Variants in GALNT13 observed in about 807,000 individuals in gnomAD.
GALNT13 encodes the protein UDP-GalNAc:polypeptide N-acetylgalactosaminyltransferase 13.
GALNT13 carries 28 observed loss-of-function variants against 64.2 expected under a neutral mutation model. That is an observed-to-expected ratio of 0.44 (90% CI 0.32 to 0.60). The LOEUF is 0.60. Ranked by LOEUF, GALNT13 falls within the 20% of genes least tolerant of loss-of-function variation. GALNT13 has a pLI of 0.05. For synonymous variants in GALNT13, 214 were observed against 224.6 expected (o/e 0.95, Z 0.42); for missense variants, 577 against 669.8 (o/e 0.86, Z 1.53).
the GALNT13 span, among the ~76,000 whole-genome samples, chr2:153,409,727 A>G: frequency 6.6e-6 from 1 of 152,290 alleles, no homozygotes; most frequent in South Asian, 2.1e-4. Flanking sequence ...GCGTAGTATT[A>G]ATGATCAGAA....
intron 4 of GALNT13, among the ~76,000 whole-genome samples, chr2:154,158,740 A>T (rs7589452): frequency 0.16 from 24,330 of 152,116 alleles, 3,610 homozygotes; most frequent in East Asian, 0.74. Flanking sequence ...CCTTACCTTC[A>T]ATCTCTTTAA....
At chr2:153,215,973 C>T in the GALNT13 span, among the ~76,000 whole-genome samples, 8 of 151,946 alleles carry the variant, frequency 5.3e-5, 1 homozygote, top group African/African-American at 1.9e-4. Flanking sequence ...TCAGACTGCC[C>T]CCTTGATGTT....
chr2:153,727,004 A>G, the GALNT13 span, among the ~76,000 whole-genome samples: 1 of 152,082 alleles, frequency 6.6e-6, no homozygotes, highest in Non-Finnish European at 1.5e-5. Flanking sequence ...TTCCTATTCA[A>G]AGAGAGTATC....
At chr2:153,468,328 G>A in the GALNT13 span, among the ~76,000 whole-genome samples, 6 of 152,062 alleles carry the variant, frequency 3.9e-5, no homozygotes, top group East Asian at 1.9e-4. Context: ...TCAATAGTCC[G>A]TGAAGTCTTT....
the GALNT13 span, among the ~76,000 whole-genome samples, chr2:153,757,448 A>C: frequency 6.6e-6 from 1 of 152,334 alleles, no homozygotes; most frequent in African/African-American, 2.4e-5. Context: ...CTTGACAATT[A>C]TAAATAAAGC....
chr2:153,687,693 C>G, the GALNT13 span, among the ~76,000 whole-genome samples: 2 of 151,874 alleles, frequency 1.3e-5, no homozygotes, highest in Non-Finnish European at 2.9e-5. Context: ...TTCAATAACT[C>G]TTTTGTACAA....
At chr2:153,345,700 TTTCTCTTTCTCTCTTTCTG>T in the GALNT13 span, among the ~76,000 whole-genome samples, 1 of 140,460 alleles carries the variant, frequency 7.1e-6, no homozygotes, top group African/African-American at 2.7e-5. Flanking sequence ...TCTTTCTTTC[TTTCTCTTTCTCTCTTTCTG>T]TCCTTCCTTC....
chr2:153,308,446 C>A, the GALNT13 span, among the ~76,000 whole-genome samples: 1 of 152,138 alleles, frequency 6.6e-6, no homozygotes, highest in Non-Finnish European at 1.5e-5. Flanking sequence ...ATCGACAGAA[C>A]CACCTTCTAC....
At chr2:154,398,636 C>T (rs1699161614) in intron 10 of GALNT13, among the ~76,000 whole-genome samples, 1 of 152,242 alleles carries the variant, frequency 6.6e-6, no homozygotes, top group Admixed American at 6.5e-5. Flanking sequence ...AACATTCCAG[C>T]CCCTGAAGTC....
the GALNT13 span, among the ~76,000 whole-genome samples, chr2:153,222,667 C>T: frequency 2.8e-4 from 43 of 152,296 alleles, no homozygotes; most frequent in African/African-American, 9.4e-4. Flanking sequence ...GCCTCCCTCC[C>T]GAGATTGTCA....
At chr2:153,899,461 T>C (rs543396589) in intron 1 of GALNT13, among the ~76,000 whole-genome samples, 6 of 152,308 alleles carry the variant, frequency 3.9e-5, no homozygotes, top group African/African-American at 1.4e-4. Context: ...ACTTAGAAAA[T>C]ACAAAGTTTC....
the GALNT13 span, among the ~76,000 whole-genome samples, chr2:153,179,854 A>G: frequency 6.6e-6 from 1 of 152,094 alleles, no homozygotes; most frequent in Admixed American, 6.5e-5. Context: ...GTGTATAGAA[A>G]TACTACTAAT....
the GALNT13 span, among the ~76,000 whole-genome samples, chr2:153,698,151 TAA>T: frequency 6.6e-6 from 1 of 151,864 alleles, no homozygotes; most frequent in African/African-American, 2.4e-5. Flanking sequence ...CACCAAAATA[TAA>T]AGAGAGATAA....
At chr2:154,003,272 C>T (rs1696033337) in intron 3 of GALNT13, among the ~76,000 whole-genome samples, 1 of 152,160 alleles carries the variant, frequency 6.6e-6, no homozygotes, top group Non-Finnish European at 1.5e-5. Flanking sequence ...GTTTGGCCCC[C>T]CATGAAGATT....
the GALNT13 span, among the ~76,000 whole-genome samples, chr2:153,498,748 C>T: frequency 6.6e-6 from 1 of 152,226 alleles, no homozygotes; most frequent in Non-Finnish European, 1.5e-5. Flanking sequence ...GCTCTTCTCT[C>T]CTTCTCATTG....
At chr2:153,111,144 T>C in the GALNT13 span, among the ~76,000 whole-genome samples, 1 of 152,128 alleles carries the variant, frequency 6.6e-6, no homozygotes, top group Admixed American at 6.6e-5. Flanking sequence ...TTTCTCATTG[T>C]TAAAAGTGTG....
At chr2:153,122,804 G>A in the GALNT13 span, among the ~76,000 whole-genome samples, 1 of 152,122 alleles carries the variant, frequency 6.6e-6, no homozygotes, top group Non-Finnish European at 1.5e-5. Context: ...CCTGTTGTGT[G>A]TTTAATTATA....
chr2:153,837,804 C>G, the GALNT13 span, among the ~76,000 whole-genome samples: 2 of 152,120 alleles, frequency 1.3e-5, no homozygotes, highest in East Asian at 1.9e-4. Flanking sequence ...TTTGCTGGAT[C>G]ATGTGGTAGC....
chr2:154,195,963 A>G (rs1324210275), intron 4 of GALNT13, among the ~76,000 whole-genome samples: 2 of 152,206 alleles, frequency 1.3e-5, no homozygotes, highest in Non-Finnish European at 2.9e-5. Context: ...CACCCAAGCT[A>G]GAAACAGAAA....
Sources: allele counts gnomAD v4.1 joint callset (sites outside exome capture counted in the v4.1 genomes callset), GRCh38; gene constraint gnomAD v4.1.1; transcripts MANE v1.5; gene names NCBI Gene and HGNC (gene_info 2026-07-23, HGNC 2026-07-21).